Variants in CCDC149 observed in about 807,000 individuals in gnomAD.
CCDC149 encodes the protein coiled-coil domain-containing protein 149.
In CCDC149, 45 loss-of-function variants were observed where a neutral mutation model predicts 59.9. That is an observed-to-expected ratio of 0.75 (90% CI 0.59 to 0.96). CCDC149 has a LOEUF of 0.96. Ranked by LOEUF, CCDC149 falls within the 40% of genes least tolerant of loss-of-function variation. The pLI is 0.00. For synonymous variants in CCDC149, 245 were observed against 260.6 expected (o/e 0.94, Z 0.58); for missense variants, 584 against 664.7 (o/e 0.88, Z 1.33).
intron 1 of CCDC149, among the ~76,000 whole-genome samples, chr4:24,880,350 A>G (rs1719764781): frequency 6.6e-6 from 1 of 152,222 alleles, no homozygotes; most frequent in Non-Finnish European, 1.5e-5. Flanking sequence ...AGTACACTCT[A>G]TGATGTTCAC....
chr4:24,964,160 C>A (rs1723726552), intron 1 of CCDC149, among the ~76,000 whole-genome samples: 1 of 145,860 alleles, frequency 6.9e-6, no homozygotes, highest in Non-Finnish European at 1.5e-5. Flanking sequence ...CACTACTGTA[C>A]TCTAGCCTGG....
In CCDC149 at chr4:24,821,141, T is replaced by G. The variant is rs1280849154; in HGVS notation, c.1043-54A>C. 1.9e-5 allele frequency: 21 copies of G among 1,081,716 alleles called. No individual in the cohort carries two copies. The East Asian group carries it at 6.8e-4, about 35-fold the overall frequency. The allele number at this position is 1,081,716 out of a possible 1,614,324, so 67.0% of individuals were successfully genotyped here. A position where few individuals can be genotyped will look rare whatever the true frequency, so the allele number is the denominator to read the frequency against. On this transcript the variant is annotated intron_variant, in intron 10 of 12. Coordinates refer to ENST00000635206, the MANE Select transcript of CCDC149 (RefSeq NM_001330643.2). ...ATAATTGTTATTGCATAATAGCCAT[T>G]TGAAGTTGCACCTAGACCAAACAAA...
At chr4:24,975,880 C>A (rs1724169147) in intron 1 of CCDC149, among the ~76,000 whole-genome samples, 5 of 151,728 alleles carry the variant, frequency 3.3e-5, no homozygotes, top group Admixed American at 3.3e-4. Flanking sequence ...TAACTCAAGC[C>A]TGGTTGGGGG....
At chr4:24,920,874 A>G (rs944007424) in intron 1 of CCDC149, among the ~76,000 whole-genome samples, 1 of 152,188 alleles carries the variant, frequency 6.6e-6, no homozygotes, top group African/African-American at 2.4e-5. Flanking sequence ...GGGTCACTTA[A>G]GCCAAACCAT....
At chr4:24,906,336 CCTAGAGTAA>C (rs1410142949) in intron 1 of CCDC149, among the ~76,000 whole-genome samples, 2 of 89,568 alleles carry the variant, frequency 2.2e-5, no homozygotes, top group Non-Finnish European at 5.1e-5. Context: ...AATAATTAGC[CCTAGAGTAA>C]CTCAGGGGCA....
Position 24,837,208 on chromosome 4 carries a change from G to C in CCDC149, c.662+20C>G. 12 of 1,613,396 alleles carry C rather than the reference G, an allele frequency of 7.4e-6. No homozygotes were observed. Among genetic ancestry groups the C allele is most frequent in the Non-Finnish European group, 8.5e-6 (10 of 1,179,498 alleles). ...GAGCCAGCCTTCCTCCCACGCACAG[G>C]CCTGGGCCTGGCCACTTGCCTGTTC... On this transcript the variant is annotated intron_variant, in intron 6 of 12. Coordinates refer to ENST00000635206, the MANE Select transcript of CCDC149 (RefSeq NM_001330643.2). The surrounding 1 kb of genome is among the most constrained non-coding windows in gnomAD (Gnocchi z 4.3).
intron 3 of CCDC149, among the ~76,000 whole-genome samples, chr4:24,853,519 C>A (rs370524172): frequency 1.4e-5 from 2 of 143,630 alleles, no homozygotes; most frequent in African/African-American, 5.2e-5. Flanking sequence ...GCCCGGGAGG[C>A]GGAGGTTGCA....
chr4:24,896,619 T>G (rs1026638443), intron 1 of CCDC149, among the ~76,000 whole-genome samples: 2 of 152,162 alleles, frequency 1.3e-5, no homozygotes. Context: ...CTGGCTTTTT[T>G]CAAGCAATAT....
At chr4:24,821,795 A>G (rs1338810450) in intron 10 of CCDC149, among the ~76,000 whole-genome samples, 9 of 152,220 alleles carry the variant, frequency 5.9e-5, no homozygotes, top group Admixed American at 5.9e-4. Context: ...CTGGGGTATC[A>G]CAAAAGGAGT....
At chr4:24,939,708 A>T (rs962667818) in intron 1 of CCDC149, among the ~76,000 whole-genome samples, 2 of 152,242 alleles carry the variant, frequency 1.3e-5, no homozygotes, top group Non-Finnish European at 2.9e-5. Context: ...AAAGGACCTG[A>T]TGGAACTGAA....
At chr4:24,968,881 T>C (rs1356600163) in intron 1 of CCDC149, among the ~76,000 whole-genome samples, 1 of 152,228 alleles carries the variant, frequency 6.6e-6, no homozygotes, top group Non-Finnish European at 1.5e-5. Flanking sequence ...GCAATCCATG[T>C]GGTACAACCT....
intron 4 of CCDC149, among the ~76,000 whole-genome samples, chr4:24,844,491 G>A (rs1377264103): frequency 6.6e-6 from 1 of 152,124 alleles, no homozygotes; most frequent in Non-Finnish European, 1.5e-5. Context: ...CAATGGGCCG[G>A]GCCAGGCATG....
At chr4:24,845,691 G>C (rs1717245697) in intron 4 of CCDC149, among the ~76,000 whole-genome samples, 1 of 152,192 alleles carries the variant, frequency 6.6e-6, no homozygotes, top group Admixed American at 6.5e-5. Flanking sequence ...GTTAGCCCTA[G>C]ACCAGTCTGT....
intron 1 of CCDC149, among the ~76,000 whole-genome samples, chr4:24,959,514 C>T (rs13130790): frequency 0.75 from 114,574 of 151,904 alleles, 43,428 homozygotes; most frequent in African/African-American, 0.79. Flanking sequence ...TTTGAATAAA[C>T]GATGGCAAAA....
At chr4:24,870,260 G>A (rs1038473938) in intron 3 of CCDC149, among the ~76,000 whole-genome samples, 3 of 152,062 alleles carry the variant, frequency 2.0e-5, no homozygotes, top group Non-Finnish European at 2.9e-5. Context: ...CAAATGTACC[G>A]GGTGCCCTGT....
intron 1 of CCDC149, among the ~76,000 whole-genome samples, chr4:24,935,233 G>A (rs538554183): frequency 1.2e-4 from 18 of 152,064 alleles, no homozygotes; most frequent in African/African-American, 1.7e-4. Context: ...GAAAGAAAGC[G>A]CATAATTCAA....
At chr4:24,970,600 T>C (rs985722481) in intron 1 of CCDC149, among the ~76,000 whole-genome samples, 2 of 151,944 alleles carry the variant, frequency 1.3e-5, no homozygotes, top group East Asian at 3.9e-4. Context: ...ACACCAAAGG[T>C]ATAGTGACAA....
chr4:24,912,023 G>A (rs1721902371), intron 1 of CCDC149, among the ~76,000 whole-genome samples: 1 of 152,162 alleles, frequency 6.6e-6, no homozygotes, highest in African/African-American at 2.4e-5. Flanking sequence ...AACTTACCTG[G>A]TTGCCTCCAG....
chr4:24,832,334 C>T (rs565510500), intron 8 of CCDC149, among the ~76,000 whole-genome samples: 1 of 152,168 alleles, frequency 6.6e-6, no homozygotes, highest in Non-Finnish European at 1.5e-5. Context: ...CAAGGTGGCA[C>T]AAAGATAGGG....
Sources: allele counts gnomAD v4.1 joint callset (sites outside exome capture counted in the v4.1 genomes callset), GRCh38; gene constraint gnomAD v4.1.1; non-coding constraint Gnocchi (gnomAD v3.1); transcripts MANE v1.5; gene names NCBI Gene and HGNC (gene_info 2026-07-23, HGNC 2026-07-21).